INPP5A: variants seen among roughly 807,000 people sequenced by gnomAD.
INPP5A encodes 43 kDa inositol polyphosphate 5-phophatase.
Under a neutral mutation model 65.2 loss-of-function variants are expected in INPP5A, and 14 were observed. That is an observed-to-expected ratio of 0.21 (90% CI 0.14 to 0.34). INPP5A has a LOEUF of 0.34. Among genes scored for constraint, INPP5A ranks in the 10% least tolerant of loss-of-function variants. The probability of loss-of-function intolerance (pLI) is 1.00; values close to 1 mark genes in which losing one functional copy is unlikely to be tolerated. For synonymous variants in INPP5A, 207 were observed against 208.3 expected (o/e 0.99, Z 0.05); for missense variants, 431 against 545.6 (o/e 0.79, Z 2.09).
chr10:132,734,156 G>A (rs887928813), intron 9 of INPP5A, among the ~76,000 whole-genome samples: 11 of 152,340 alleles, frequency 7.2e-5, no homozygotes, highest in Admixed American at 3.9e-4. Flanking sequence ...GGGATGCATC[G>A]CTGCAGGCGC....
At chr10:132,556,504 T>C (rs1295545384) in intron 1 of INPP5A, among the ~76,000 whole-genome samples, 1 of 152,158 alleles carries the variant, frequency 6.6e-6, no homozygotes, top group African/African-American at 2.4e-5. Flanking sequence ...CACATGCATG[T>C]ACAAGCATGC....
At chr10:132,560,281 G>A (rs1361952983) in intron 1 of INPP5A, among the ~76,000 whole-genome samples, 1 of 152,192 alleles carries the variant, frequency 6.6e-6, no homozygotes, top group Non-Finnish European at 1.5e-5. Context: ...TCTCTTGGGT[G>A]TAGACCTGCT....
At chr10:132,666,006 G>A (rs2072796531) in intron 4 of INPP5A, among the ~76,000 whole-genome samples, 1 of 146,770 alleles carries the variant, frequency 6.8e-6, no homozygotes, top group African/African-American at 2.5e-5. Context: ...AGTGAGCCAA[G>A]ATCACACCAC....
chr10:132,756,159 C>G (rs1034015411), intron 11 of INPP5A, among the ~76,000 whole-genome samples: 1 of 151,972 alleles, frequency 6.6e-6, no homozygotes, highest in South Asian at 2.1e-4. Flanking sequence ...AAGAGAAAAG[C>G]AAGTGTGGGG....
rs543661289 is a variant in INPP5A at position 132,765,195 on chromosome 10, A to T, written c.904-578A>T. Among the ~76,000 whole-genome samples the T allele has an allele frequency of 3.3e-5, 5 of 152,222 alleles. No individual in the cohort carries two copies. In the South Asian group the frequency reaches 1.0e-3, roughly 32 times the overall value. On this transcript the variant is annotated intron_variant, in intron 11 of 15. Coordinates refer to ENST00000368594, the MANE Select transcript of INPP5A (RefSeq NM_005539.5). ...CAGAAACACGGTGGGCCAGTCCTGCAGGTGTGGGAGGTGATGCCCGCCTGG... is the reference window on the plus strand; with the variant it reads ...CAGAAACACGGTGGGCCAGTCCTGCTGGTGTGGGAGGTGATGCCCGCCTGG...
chr10:132,779,525 G>C (rs933558860), intron 13 of INPP5A, among the ~76,000 whole-genome samples: 1 of 152,272 alleles, frequency 6.6e-6, no homozygotes, highest in African/African-American at 2.4e-5. Context: ...CTCAGAGCAG[G>C]GCAGCGTTGC....
intron 2 of INPP5A, among the ~76,000 whole-genome samples, chr10:132,614,158 C>G (rs2071998309): frequency 6.6e-6 from 1 of 152,158 alleles, no homozygotes; most frequent in Non-Finnish European, 1.5e-5. Context: ...CACGCCTTCC[C>G]AAGTCTTGAG....
At chr10:132,672,179 A>G (rs1043011379) in intron 4 of INPP5A, among the ~76,000 whole-genome samples, 10 of 152,348 alleles carry the variant, frequency 6.6e-5, no homozygotes, top group South Asian at 2.1e-4. Flanking sequence ...GTACTAAGAA[A>G]ATATCTTCAT....
intron 2 of INPP5A, among the ~76,000 whole-genome samples, chr10:132,615,466 C>T (rs886742683): frequency 8.5e-5 from 13 of 152,208 alleles, no homozygotes; most frequent in African/African-American, 2.7e-4. Context: ...GGTGAAGGCC[C>T]GTGGCCGCTG....
chr10:132,631,848 T>A (rs534943588), intron 2 of INPP5A, among the ~76,000 whole-genome samples: 1 of 152,374 alleles, frequency 6.6e-6, no homozygotes, highest in East Asian at 1.9e-4. Context: ...CCCATGTGGT[T>A]TTATTGACTG....
At chr10:132,595,619 G>A (rs1048099134) in intron 1 of INPP5A, among the ~76,000 whole-genome samples, 1 of 151,982 alleles carries the variant, frequency 6.6e-6, no homozygotes, top group Non-Finnish European at 1.5e-5. Context: ...CCTACATTGG[G>A]GTGTTTGTCA....
chr10:132,744,444 T>G (rs565289538), intron 9 of INPP5A, among the ~76,000 whole-genome samples: 1 of 152,238 alleles, frequency 6.6e-6, no homozygotes, highest in South Asian at 2.1e-4. Flanking sequence ...CACCGGTCCC[T>G]GTGTCTATGG....
At chr10:132,662,179 T>C (rs561342047) in intron 4 of INPP5A, among the ~76,000 whole-genome samples, 1 of 152,200 alleles carries the variant, frequency 6.6e-6, no homozygotes, top group African/African-American at 2.4e-5. Context: ...GGGGAGGCGG[T>C]GGTAGCACTG....
intron 1 of INPP5A, among the ~76,000 whole-genome samples, chr10:132,543,440 C>T (rs993399753): frequency 4.6e-5 from 7 of 151,922 alleles, no homozygotes; most frequent in South Asian, 2.1e-4. Context: ...ATTACAGAGA[C>T]GGGGTCTTGC....
intron 14 of INPP5A, among the ~76,000 whole-genome samples, chr10:132,781,448 G>A (rs921750463): frequency 1.1e-4 from 17 of 152,204 alleles, no homozygotes; most frequent in African/African-American, 4.1e-4. Context: ...CTTCTTCCAC[G>A]TTGGAGGCCC....
chr10:132,594,421 G>T (rs1381879414), intron 1 of INPP5A, among the ~76,000 whole-genome samples: 3 of 152,186 alleles, frequency 2.0e-5, no homozygotes, highest in Non-Finnish European at 4.4e-5. Context: ...CATCTACACC[G>T]GCCAGTCCTG....
intron 8 of INPP5A, among the ~76,000 whole-genome samples, chr10:132,726,093 T>C (rs1345785487): frequency 6.6e-6 from 1 of 152,090 alleles, no homozygotes. Context: ...TACAGGCTTA[T>C]ATCTGTAAGG....
chr10:132,712,674 G>C (rs1845665172), intron 8 of INPP5A, among the ~76,000 whole-genome samples: 1 of 150,502 alleles, frequency 6.6e-6, no homozygotes, highest in Non-Finnish European at 1.5e-5. Flanking sequence ...GCATGTGTGG[G>C]TGCATGTGAG....
At chr10:132,677,759 G>A (rs1590917658) in intron 4 of INPP5A, among the ~76,000 whole-genome samples, 1 of 152,358 alleles carries the variant, frequency 6.6e-6, no homozygotes, top group East Asian at 1.9e-4. Context: ...CATGACTGGT[G>A]TTCCACCCTG....
Sources: allele counts gnomAD v4.1 joint callset (sites outside exome capture counted in the v4.1 genomes callset), GRCh38; gene constraint gnomAD v4.1.1; transcripts MANE v1.5; gene names NCBI Gene and HGNC (gene_info 2026-07-23, HGNC 2026-07-21).